Variants in CHD7 observed in about 807,000 individuals in gnomAD.
The protein encoded by CHD7 is ATP-dependent chromatin remodeler CHD7.
A neutral mutation model predicts 307.3 loss-of-function variants in CHD7; 24 were observed. The ratio of observed to expected loss-of-function variants is 0.08; its 90% CI spans 0.06 to 0.11. CHD7 has a LOEUF of 0.11. Among genes scored for constraint, CHD7 ranks in the 10% least tolerant of loss-of-function variants. CHD7 has a pLI of 1.00. For synonymous variants in CHD7, 1,363 were observed against 1,349.9 expected (o/e 1.01, Z -0.21); for missense variants, 3,106 against 3,727.1 (o/e 0.83, Z 4.34).
chr8:60,765,052 G>C (rs1810399397), intron 2 of CHD7, among the ~76,000 whole-genome samples: 1 of 152,206 alleles, frequency 6.6e-6, no homozygotes, highest in African/African-American at 2.4e-5. Flanking sequence ...CTTTTCAAGA[G>C]CAGAGAGCAC....
At chr8:60,802,255 G>A (rs1812348075) in intron 6 of CHD7, among the ~76,000 whole-genome samples, 1 of 152,196 alleles carries the variant, frequency 6.6e-6, no homozygotes, top group Non-Finnish European at 1.5e-5. Flanking sequence ...GACATACCGT[G>A]TTTTCTTTTC....
chr8:60,683,809 G>T (rs1486052597), intron 1 of CHD7, among the ~76,000 whole-genome samples: 1 of 152,040 alleles, frequency 6.6e-6, no homozygotes, highest in Non-Finnish European at 1.5e-5. Context: ...CTCATGTTCT[G>T]ACTCAAAGGT....
chr8:60,678,791 AGCG>A lies in CHD7; in HGVS notation c.-447_-445del, dbSNP rs71245513. On this transcript the variant is annotated 5_prime_UTR_variant, in exon 1 of 38. Transcript: ENST00000423902. ...CGGCGGCGGCGGCGGCGGCGGCGGCAGCGGCGGCGGCGGCGGCGGCGCGGGGGT... is the reference window on the plus strand; with the variant it reads ...CGGCGGCGGCGGCGGCGGCGGCGGCAGCGGCGGCGGCGGCGGCGCGGGGGT... The A allele has an allele frequency of 1.4e-4, 7 of 50,246 alleles. No individual in the cohort carries two copies. Among genetic ancestry groups the A allele is most frequent in the Non-Finnish European group, 2.6e-4 (6 of 23,268 alleles). 3.1% of individuals were successfully genotyped at this position (50,246 alleles called of 1,614,324 possible). A position where few individuals can be genotyped will look rare whatever the true frequency, so the allele number is the denominator to read the frequency against.
chr8:60,744,478 A>ATT (rs569101482), intron 2 of CHD7, among the ~76,000 whole-genome samples: 3 of 66,672 alleles, frequency 4.5e-5, no homozygotes, highest in Non-Finnish European at 7.5e-5. Context: ...TCAGAGCAGC[A>ATT]TTTTTTTTTT....
chr8:60,704,144 C>T (rs139062024), intron 1 of CHD7, among the ~76,000 whole-genome samples: 38 of 152,192 alleles, frequency 2.5e-4, no homozygotes, highest in African/African-American at 8.2e-4. Context: ...GTACTCATGT[C>T]ATATATTTTG....
chr8:60,806,233 G>A (rs369410711), intron 6 of CHD7, among the ~76,000 whole-genome samples: 13 of 152,050 alleles, frequency 8.5e-5, no homozygotes, highest in South Asian at 4.1e-4. Context: ...GCATGGTGGC[G>A]GGGCCTGTAG....
intron 1 of CHD7, among the ~76,000 whole-genome samples, chr8:60,720,257 C>T (rs1807830678): frequency 6.6e-6 from 1 of 152,158 alleles, no homozygotes. Flanking sequence ...CTGTAAAGAT[C>T]ATCAGCCTTT....
chr8:60,738,362 TCTA>T (rs1270601836), intron 1 of CHD7, among the ~76,000 whole-genome samples: 2 of 152,242 alleles, frequency 1.3e-5, no homozygotes, highest in African/African-American at 4.8e-5. Context: ...ACTCTTTTGG[TCTA>T]CTATTAAAAT....
intron 2 of CHD7, among the ~76,000 whole-genome samples, chr8:60,778,106 G>GA (rs1554588072): frequency 9.0e-6 from 1 of 111,708 alleles, no homozygotes; most frequent in Non-Finnish European, 2.3e-5. Flanking sequence ...GGGGGGTGGA[G>GA]GGGGGGACAT....
In CHD7 at chr8:60,721,459, G is replaced by T. The variant is rs79357662; in HGVS notation, c.-174-19800G>T. 6.3e-3 allele frequency among the ~76,000 whole-genome samples: 954 copies of T among 152,296 alleles called. 11 individuals are homozygous for T. The highest frequency in any genetic ancestry group is 0.015 in the East Asian group (76 of 5,182). The stretch of plus-strand genomic sequence containing the variant: ...CCAGAACTGTGAAAAATAAGTTTCC[G>T]TTTAAGCCACCCAGGCTGTAGAGTT... On this transcript the variant is annotated intron_variant, in intron 1 of 37. Transcript: ENST00000423902.
At position 60,794,787 on chromosome 8, in the gene CHD7, G is replaced by A. The variant is rs77947624; in HGVS notation, c.2097-199G>A. Among the ~76,000 whole-genome samples the A allele has an allele frequency of 0.019, 2,887 of 152,186 alleles. 80 individuals are homozygous for A. The highest frequency in any genetic ancestry group is 0.055 in the African/African-American group (2,291 of 41,502). ...TTTGCATGCAGTTTATTTTTAATTA[G>A]GTCATATATTTGCTAAAAGTCATTA... On this transcript the variant is annotated intron_variant, in intron 3 of 37. Transcript: ENST00000423902.
intron 14 of CHD7, among the ~76,000 whole-genome samples, chr8:60,830,100 G>C: frequency 6.6e-6 from 1 of 152,260 alleles, no homozygotes; most frequent in Admixed American, 6.5e-5. Context: ...GGCTGTTCAG[G>C]GCTCCTGGAT....
At chr8:60,854,277 T>A in intron 31 of CHD7, 86 bp from the exon 32 acceptor site, 2 of 1,166,202 alleles carry the variant, frequency 1.7e-6, no homozygotes, top group Non-Finnish European at 2.5e-6. Flanking sequence ...AGCTGATTAG[T>A]ATTCACATTT....
chr8:60,745,500 C>T (rs2150585834), intron 2 of CHD7, among the ~76,000 whole-genome samples: 1 of 123,606 alleles, frequency 8.1e-6, no homozygotes, highest in East Asian at 3.6e-4. Context: ...CAGGAGAGCC[C>T]ACATGCATTC....
At chr8:60,841,484 C>T (rs1804971993) in intron 19 of CHD7, among the ~76,000 whole-genome samples, 160 bp from the exon 20 acceptor site, 1 of 152,242 alleles carries the variant, frequency 6.6e-6, no homozygotes, top group Non-Finnish European at 1.5e-5. Context: ...GGTCAGTGAG[C>T]TGCCTGAGGG....
In CHD7 at chr8:60,830,299, ATTTAC is replaced by A; in HGVS notation, c.3523-20_3523-16del. On this transcript the variant is annotated intron_variant, in intron 14 of 37. Coordinates refer to ENST00000423902, the MANE Select transcript of CHD7 (RefSeq NM_017780.4). ...CTTGCAAGCAAATCATGACACTAGT[ATTTAC>A]TTAAGGTCCTTTTTTAGGTGCAAAA... is the stretch of plus-strand genomic sequence containing the variant. 1 of 1,601,540 alleles carries A rather than the reference ATTTAC, an allele frequency of 6.2e-7. No individual in the cohort carries two copies. Among genetic ancestry groups the A allele is most frequent in the Non-Finnish European group, 8.5e-7 (1 of 1,174,552 alleles).
chr8:60,700,792 C>A (rs1238582021), intron 1 of CHD7, among the ~76,000 whole-genome samples: 2 of 152,164 alleles, frequency 1.3e-5, no homozygotes, highest in African/African-American at 4.8e-5. Flanking sequence ...TTTGGGAAAG[C>A]GACTTAAGTT....
At chr8:60,847,579 T>C (rs1586435573) in intron 23 of CHD7, among the ~76,000 whole-genome samples, 1 of 152,368 alleles carries the variant, frequency 6.6e-6, no homozygotes, top group South Asian at 2.1e-4. Context: ...CATGTACTCA[T>C]GGCCAAGAAG....
chr8:60,731,171 A>G (rs184177260), intron 1 of CHD7, among the ~76,000 whole-genome samples: 9 of 152,308 alleles, frequency 5.9e-5, no homozygotes, highest in Admixed American at 4.6e-4. Flanking sequence ...GGATATGCCA[A>G]AGATAAGCAG....
Sources: gnomAD v4.1 joint callset for allele counts (sites outside exome capture counted in the v4.1 genomes callset) on GRCh38, gnomAD v4.1.1 for gene constraint, MANE v1.5 for transcripts, NCBI Gene and HGNC (gene_info 2026-07-23, HGNC 2026-07-21) for gene names.